The following DNAH3 variants were observed in gnomAD, a reference collection of about 807,000 sequenced individuals.
DNAH3 encodes axonemal beta dynein heavy chain 3.
DNAH3 carries 332 observed loss-of-function variants against 432.5 expected under a neutral mutation model. The observed-to-expected ratio is 0.77, with a 90% CI of 0.70 to 0.84. The LOEUF (loss-of-function observed/expected upper bound fraction) is 0.84, where lower values mean the gene tolerates loss of function less well. DNAH3 is among the 40% of genes least tolerant of loss of function. The probability of loss-of-function intolerance (pLI) is 0.00; values close to 1 mark genes in which losing one functional copy is unlikely to be tolerated. For synonymous variants in DNAH3, 1,956 were observed against 1,900.2 expected (o/e 1.03, Z -0.76); for missense variants, 4,861 against 5,114.0 (o/e 0.95, Z 1.51).
chr16:20,941,875 T>A (rs1435251618), intron 58 of DNAH3, among the ~76,000 whole-genome samples: 1 of 152,188 alleles, frequency 6.6e-6, no homozygotes, highest in South Asian at 2.1e-4. Flanking sequence ...CTGGGAAACA[T>A]AGCGAAACCC....
In DNAH3 at chr16:21,071,177, G is replaced by A. The variant is rs113007709; in HGVS notation, c.3085-351C>T. ...CCTGCCTCAGCCTCCTGAATAGCTG[G>A]GATTACAGGCAAATGACACCACGCC... On this transcript the variant is annotated intron_variant, in intron 21 of 61. Transcript: ENST00000261383. Among the ~76,000 whole-genome samples the A allele has an allele frequency of 9.3e-4, 142 of 152,162 alleles. 1 individual carries two copies. The highest frequency in any genetic ancestry group is 3.2e-3 in the African/African-American group (134 of 41,524).
intron 61 of DNAH3, 117 bp downstream of exon 61, chr16:20,935,231 A>G (rs2083543537): frequency 8.4e-7 from 1 of 1,197,418 alleles, no homozygotes; most frequent in African/African-American, 1.5e-5. Flanking sequence ...CTTCATATGT[A>G]CCATTTCAGA....
chr16:21,099,326 A>C (rs2091777831), intron 16 of DNAH3, among the ~76,000 whole-genome samples: 1 of 152,182 alleles, frequency 6.6e-6, no homozygotes, highest in Non-Finnish European at 1.5e-5. Context: ...GGATGAATAA[A>C]TCCATAGACA....
chr16:21,088,839 T>C (rs2091454002), intron 18 of DNAH3, among the ~76,000 whole-genome samples: 1 of 152,218 alleles, frequency 6.6e-6, no homozygotes, highest in South Asian at 2.1e-4. Context: ...GAAGTCATTC[T>C]TCAAGGTTAA....
intron 41 of DNAH3, among the ~76,000 whole-genome samples, chr16:21,017,492 T>G (rs570747853): frequency 1.1e-4 from 16 of 152,304 alleles, no homozygotes; most frequent in South Asian, 8.3e-4. Context: ...TACCTATGAC[T>G]TGGAAGTCCC....
chr16:20,953,625 A>G (rs2084419739), intron 55 of DNAH3, among the ~76,000 whole-genome samples: 3 of 151,882 alleles, frequency 2.0e-5, no homozygotes, highest in Admixed American at 2.0e-4. Flanking sequence ...TGCCCAGTCT[A>G]GAGTGGTATG....
chr16:21,072,474 G>A (rs1338413725), intron 21 of DNAH3, among the ~76,000 whole-genome samples: 1 of 151,970 alleles, frequency 6.6e-6, no homozygotes, highest in East Asian at 1.9e-4. Flanking sequence ...TTTCAGGCAA[G>A]CACCACCACA....
chr16:20,987,629 C>T, intron 46 of DNAH3, 64 bp downstream of exon 46: 1 of 1,590,924 alleles, frequency 6.3e-7, no homozygotes, highest in Non-Finnish European at 8.6e-7. Flanking sequence ...ACTGCTATTA[C>T]TACATGTTCT....
At chr16:21,103,354 T>TGG (rs553390308) in intron 16 of DNAH3, among the ~76,000 whole-genome samples, 17,105 of 66,442 alleles carry the variant, frequency 0.26, 1,315 homozygotes, top group Non-Finnish European at 0.32. Context: ...GGTGTGTGTG[T>TGG]GGGGGGGGGC....
intron 23 of DNAH3, among the ~76,000 whole-genome samples, chr16:21,068,716 C>A (rs2090667357): frequency 6.6e-6 from 1 of 152,190 alleles, no homozygotes; most frequent in Non-Finnish European, 1.5e-5. Flanking sequence ...ACTGAATAAA[C>A]ATTTGTTAAA....
intron 10 of DNAH3, chr16:21,120,889 C>CT: frequency 6.6e-7 from 1 of 1,506,434 alleles, no homozygotes; most frequent in Non-Finnish European, 9.2e-7. Context: ...ATTACAGGGT[C>CT]TTTTCTTCCA....
chr16:21,019,747 T>A lies in DNAH3; in HGVS notation c.5899A>T (p.Ile1967Phe), dbSNP rs193244009. The A allele has an allele frequency of 4.3e-6, 7 of 1,614,180 alleles. No individual in the cohort carries two copies. In the East Asian group the frequency reaches 1.6e-4, roughly 36 times the overall value. The change falls in exon 41 of 62, where the codon ATC (isoleucine) becomes TTC (phenylalanine). Residue 1967 changes from isoleucine (I) to phenylalanine (F), a missense_variant. Physicochemically the swap from Ile to Phe is conservative, Grantham distance 21. Coordinates refer to ENST00000261383, the Ensembl canonical transcript of DNAH3. ...AATTTCTTTCTGCTGTCTGCGTTGA[T>A]GGTGCCAGCCACGGTCCACACCAAG...
At chr16:21,091,386 T>G (rs330155) in intron 18 of DNAH3, among the ~76,000 whole-genome samples, 107,408 of 151,318 alleles carry the variant, frequency 0.71, 38,448 homozygotes, top group East Asian at 1. Flanking sequence ...AAAAAAGAAA[T>G]AGAAAGAAAA....
exon 59 of DNAH3, chr16:20,941,404 T>C (rs754754935): frequency 6.2e-6 from 10 of 1,613,964 alleles, no homozygotes; most frequent in Non-Finnish European, 8.5e-6. Context: ...GGCCCACCTG[T>C]TGAATCTGAT....
intron 1 of DNAH3, among the ~76,000 whole-genome samples, chr16:21,147,468 G>A (rs2092800183): frequency 6.6e-6 from 1 of 152,008 alleles, no homozygotes; most frequent in South Asian, 2.1e-4. Context: ...CACCTGCTTC[G>A]ACCTTCCAAA....
intron 41 of DNAH3, among the ~76,000 whole-genome samples, chr16:21,012,661 C>T (rs2087660569): frequency 6.6e-6 from 1 of 152,184 alleles, no homozygotes; most frequent in Non-Finnish European, 1.5e-5. Flanking sequence ...ATCAAATTGA[C>T]ATTTATTACT....
At position 20,963,928 on chromosome 16, in the gene DNAH3, TG is replaced by T. The variant is rs1567538076; in HGVS notation, c.9955del (p.Gln3319SerfsTer4). On this transcript the variant is annotated frameshift_variant, in exon 53 of 62. Transcript: ENST00000261383. LOFTEE classifies it high-confidence loss of function. ...ATTTATGAACCAAGTCAGGGAGTAC[TG>T]GTACATCGGCTCGATGTTGGCCAGG... 6.2e-7 allele frequency: 1 copy of T among 1,614,146 alleles called. No individual in the cohort carries two copies. The highest frequency in any genetic ancestry group is 8.5e-7 in the Non-Finnish European group (1 of 1,180,036).
intron 1 of DNAH3, among the ~76,000 whole-genome samples, chr16:21,153,938 C>T (rs1458756769): frequency 3.9e-5 from 6 of 152,168 alleles, no homozygotes; most frequent in African/African-American, 9.7e-5. Flanking sequence ...TTATATTATG[C>T]TCTTTATCAC....
At chr16:20,955,027 C>T in exon 55 of DNAH3, 1 of 1,612,332 alleles carries the variant, frequency 6.2e-7, no homozygotes, top group East Asian at 2.2e-5. Flanking sequence ...TGACTGGAAA[C>T]TTCTCTGATG....
Sources: allele counts gnomAD v4.1 joint callset (sites outside exome capture counted in the v4.1 genomes callset), GRCh38; gene constraint gnomAD v4.1.1; transcripts MANE v1.5; gene names NCBI Gene and HGNC (gene_info 2026-07-23, HGNC 2026-07-21).